Variants in PXMP2 observed in about 807,000 individuals in gnomAD.
PXMP2 encodes 22 kDa peroxisomal membrane protein.
In PXMP2, 13 loss-of-function variants were observed where a neutral mutation model predicts 20.2. The ratio of observed to expected loss-of-function variants is 0.64; its 90% CI spans 0.42 to 1.02. The LOEUF is 1.02. PXMP2 is among the 50% of genes least tolerant of loss of function. PXMP2 has a pLI of 0.00. For missense variants in PXMP2, 284 were observed against 251.8 expected (o/e 1.13, Z -0.87); for synonymous variants, 113 against 111.2 (o/e 1.02, Z -0.10).
chr12:132,692,523 C>T (rs1247813158), intron 2 of PXMP2, among the ~76,000 whole-genome samples: 1 of 108,584 alleles, frequency 9.2e-6, no homozygotes, highest in Non-Finnish European at 2.0e-5. Context: ...AGCTCCCTTG[C>T]CAGTTAGTTA....
intron 3 of PXMP2, among the ~76,000 whole-genome samples, chr12:132,700,928 C>T (rs767416375): frequency 7.3e-5 from 11 of 150,214 alleles, no homozygotes; most frequent in Non-Finnish European, 1.5e-4. Flanking sequence ...GAGGAATTGA[C>T]AGCGTAGCTC....
chr12:132,704,525 C>T, intron 4 of PXMP2, 94 bp from the exon 5 acceptor site: 1 of 1,059,762 alleles, frequency 9.4e-7, no homozygotes, highest in Non-Finnish European at 1.3e-6. Flanking sequence ...AGCTGACCAA[C>T]AAACGGGTAA....
In PXMP2 at chr12:132,696,089, A is replaced by C; in HGVS notation, c.399+43A>C. The C allele has an allele frequency of 6.5e-7, 1 of 1,528,372 alleles. No individual in the cohort carries two copies. Among genetic ancestry groups the C allele is most frequent in the African/African-American group, 1.4e-5 (1 of 72,552 alleles). The allele number at this position is 1,528,372 out of a possible 1,614,324, so 94.7% of individuals were successfully genotyped here. On this transcript the variant is annotated intron_variant, in intron 3 of 4. Transcript: ENST00000317479. This position sits in a 1 kb window ranked among gnomAD's most constrained non-coding sequence, Gnocchi z 4.4. ...CACTTACTGCAGCTCTTCGTTTAGC[A>C]CAGGGATTCTTCACCTGACATTCTC...
chr12:132,695,295 C>T (rs2043404235), intron 2 of PXMP2, among the ~76,000 whole-genome samples: 1 of 151,322 alleles, frequency 6.6e-6, no homozygotes, highest in Admixed American at 6.6e-5. Flanking sequence ...CTAGTGAGTT[C>T]CCTTGCCAGT....
At chr12:132,692,565 C>T (rs2043376552) in intron 2 of PXMP2, among the ~76,000 whole-genome samples, 1 of 136,170 alleles carries the variant, frequency 7.3e-6, no homozygotes, top group African/African-American at 2.8e-5. Context: ...TTAGTGAGCA[C>T]CCTTGCCAGT....
chr12:132,700,253 T>G (rs1380269312), intron 3 of PXMP2, among the ~76,000 whole-genome samples: 2 of 152,044 alleles, frequency 1.3e-5, no homozygotes, highest in Non-Finnish European at 2.9e-5. Context: ...TTTCCCATGT[T>G]GGTCAGGCTG....
Position 132,704,614 on chromosome 12 carries a change from G to A in PXMP2, c.520-5G>A, listed in dbSNP as rs2043460048. Reference sequence around the variant, plus strand: ...CGTGGCCTGTTGGACTGTTCTTTTCGGCAGTTCCGGGTGCTCTTCGCCAAC... The same window carrying A: ...CGTGGCCTGTTGGACTGTTCTTTTCAGCAGTTCCGGGTGCTCTTCGCCAAC... On this transcript the variant is annotated splice_region_variant and splice_polypyrimidine_tract_variant and intron_variant, in intron 4 of 4. Coordinates refer to ENST00000317479, the MANE Select transcript of PXMP2 (RefSeq NM_018663.3). The A allele has an allele frequency of 5.6e-6, 8 of 1,432,550 alleles. No homozygotes were observed. The highest frequency in any genetic ancestry group is 1.5e-5 in the African/African-American group (1 of 68,434). 88.7% of individuals were successfully genotyped at this position (1,432,550 alleles called of 1,614,324 possible).
At chr12:132,689,226 C>T (rs1181252205) in intron 1 of PXMP2, among the ~76,000 whole-genome samples, 1 of 148,852 alleles carries the variant, frequency 6.7e-6, no homozygotes, top group Non-Finnish European at 1.5e-5. Context: ...CGGGTGAAGA[C>T]AGGGCCAGGG....
At chr12:132,693,732 G>T in intron 2 of PXMP2, among the ~76,000 whole-genome samples, 1 of 74,010 alleles carries the variant, frequency 1.4e-5, no homozygotes. Context: ...GAGCTCCCTT[G>T]CCAGTTAGTT....
rs1489492579 is a variant in PXMP2 at position 132,695,897 on chromosome 12, G to A, written c.250G>A (p.Gly84Arg). Reference protein sequence around the residue: ...RYAVYGFFFTGPLSHFFYFFM... With the variant: ...RYAVYGFFFTRPLSHFFYFFM... ...TGGGGGCCTCAGGTTCTTCTTCACA[G>A]GGCCGCTGAGTCACTTCTTCTACTT... The change falls in exon 3 of 5, where the codon GGG becomes AGG. Residue 84 changes from glycine (G) to arginine (R), a missense_variant. Physicochemically the swap from Gly to Arg is moderately radical, Grantham distance 125. Coordinates refer to ENST00000317479, the MANE Select transcript of PXMP2 (RefSeq NM_018663.3). 3.7e-6 allele frequency: 6 copies of A among 1,606,988 alleles called. No homozygotes were observed. The highest frequency in any genetic ancestry group is 5.1e-6 in the Non-Finnish European group (6 of 1,176,446).
At chr12:132,689,154 G>C (rs577984542) in intron 1 of PXMP2, among the ~76,000 whole-genome samples, 2,955 of 92,122 alleles carry the variant, frequency 0.032, 152 homozygotes, top group Admixed American at 0.099. Flanking sequence ...AAGACAGGGC[G>C]AGGGGAGCGG....
rs1565992225 is a variant in PXMP2 at position 132,696,928 on chromosome 12, T to C, written c.399+882T>C. ...AGGTGGAGGTTGTGGTGAGCTGAGA[T>C]TGTGCCACTGCACTCCAGTCTGGGC... On this transcript the variant is annotated intron_variant, in intron 3 of 4. Transcript: ENST00000317479. This position sits in a 1 kb window ranked among gnomAD's most constrained non-coding sequence, Gnocchi z 4.4. 6.6e-6 allele frequency among the ~76,000 whole-genome samples: 1 copy of C among 151,916 alleles called. No individual in the cohort carries two copies. Among genetic ancestry groups the C allele is most frequent in the Non-Finnish European group, 1.5e-5 (1 of 68,000 alleles).
rs747334319 is a variant in PXMP2 at position 132,695,919 on chromosome 12, A to T, written c.272A>T (p.Tyr91Phe). 1.9e-6 allele frequency: 3 copies of T among 1,609,114 alleles called. No individual in the cohort carries two copies. The highest frequency in any genetic ancestry group is 2.7e-5 in the African/African-American group (2 of 74,808). ...ACAGGGCCGCTGAGTCACTTCTTCT[A>T]CTTCTTCATGGAACATTGGATCCCT... is the stretch of plus-strand genomic sequence containing the variant. ...FFTGPLSHFF[Y>F]FFMEHWIPPE... is the part of the protein sequence containing the mutation. Residue 91 changes from tyrosine (Y) to phenylalanine (F), a missense_variant, in exon 3 of 5, where the codon TAC (tyrosine) becomes TTC (phenylalanine). Transcript: ENST00000317479.
intron 2 of PXMP2, 21 bp downstream of exon 2, chr12:132,690,397 G>A (rs1221667843): frequency 1.3e-6 from 2 of 1,585,590 alleles, no homozygotes. Context: ...TACAAGGGGT[G>A]GGTTTACCTT....
chr12:132,692,605 A>AAGTGAGCGCCCTTAGCCAGTTAGAT (rs1279864723), intron 2 of PXMP2, among the ~76,000 whole-genome samples: 11 of 67,734 alleles, frequency 1.6e-4, no homozygotes, highest in Non-Finnish European at 2.3e-4. Context: ...CCAGTTAGTT[A>AAGTGAGCGCCCTTAGCCAGTTAGAT]AGTGAGCGCC....
chr12:132,701,996 A>C (rs1209737105), intron 4 of PXMP2, among the ~76,000 whole-genome samples: 7 of 152,228 alleles, frequency 4.6e-5, no homozygotes, highest in Non-Finnish European at 7.3e-5. Context: ...TGGCTGAGGC[A>C]CAAGAATCAC....
chr12:132,697,594 G>A (rs2136065231), intron 3 of PXMP2, among the ~76,000 whole-genome samples: 1 of 152,112 alleles, frequency 6.6e-6, no homozygotes, highest in East Asian at 2.0e-4. Flanking sequence ...TTTTAGTAGA[G>A]ATGGGGTTTC....
intron 2 of PXMP2, among the ~76,000 whole-genome samples, chr12:132,691,937 T>G (rs573459022): frequency 6.6e-6 from 1 of 152,370 alleles, no homozygotes; most frequent in African/African-American, 2.4e-5. Flanking sequence ...GCACACAACC[T>G]AGAGTGCTGC....
At chr12:132,689,940 C>T (rs563632291) in intron 1 of PXMP2, among the ~76,000 whole-genome samples, 5 of 152,312 alleles carry the variant, frequency 3.3e-5, no homozygotes, top group Non-Finnish European at 7.4e-5. Flanking sequence ...AGTCAAAATG[C>T]AGAACAGCGT....
Sources: gnomAD v4.1 joint callset for allele counts (sites outside exome capture counted in the v4.1 genomes callset) on GRCh38, gnomAD v4.1.1 for gene constraint, Gnocchi (gnomAD v3.1) non-coding constraint, MANE v1.5 for transcripts, NCBI Gene and HGNC (gene_info 2026-07-23, HGNC 2026-07-21) for gene names.